SNTG1: variants seen among roughly 807,000 people sequenced by gnomAD.
SNTG1 encodes syntrophin gamma 1.
SNTG1 carries 39 observed loss-of-function variants against 74.7 expected under a neutral mutation model. That is an observed-to-expected ratio of 0.52 (90% CI 0.40 to 0.68). The LOEUF (loss-of-function observed/expected upper bound fraction) is 0.68, where lower values mean the gene tolerates loss of function less well. SNTG1 is among the 30% of genes least tolerant of loss of function. The pLI is 0.00. For synonymous variants in SNTG1, 254 were observed against 217.1 expected (o/e 1.17, Z -1.49); for missense variants, 685 against 609.5 (o/e 1.12, Z -1.30).
chr8:50,089,204 TG>T (rs1164008150), intron 1 of SNTG1, among the ~76,000 whole-genome samples: 3 of 152,132 alleles, frequency 2.0e-5, no homozygotes, highest in African/African-American at 7.2e-5. Flanking sequence ...GCTAGCCATA[TG>T]TAGAAAGCTG....
At chr8:49,981,301 A>G (rs776041053) in intron 1 of SNTG1, among the ~76,000 whole-genome samples, 4 of 152,316 alleles carry the variant, frequency 2.6e-5, no homozygotes, top group South Asian at 2.1e-4. Context: ...AAAGACTCAT[A>G]ATCAGAGGTA....
intron 1 of SNTG1, among the ~76,000 whole-genome samples, chr8:50,116,479 C>G (rs1444185620): frequency 2.0e-5 from 3 of 152,146 alleles, no homozygotes; most frequent in Non-Finnish European, 4.4e-5. Context: ...ATCCTTGACT[C>G]TGTGTTGGAA....
chr8:50,191,736 C>T (rs554948865), intron 2 of SNTG1, among the ~76,000 whole-genome samples: 3 of 152,016 alleles, frequency 2.0e-5, no homozygotes, highest in Non-Finnish European at 4.4e-5. Context: ...TTTCTCCTCA[C>T]CCCACAACAG....
intron 15 of SNTG1, among the ~76,000 whole-genome samples, chr8:50,669,467 T>G (rs1010704714): frequency 1.3e-5 from 2 of 152,094 alleles, no homozygotes; most frequent in African/African-American, 2.4e-5. Flanking sequence ...CCTCGACACA[T>G]ACACCATCCC....
intron 8 of SNTG1, among the ~76,000 whole-genome samples, chr8:50,481,110 C>A (rs1198914864): frequency 6.6e-6 from 1 of 152,146 alleles, no homozygotes; most frequent in Non-Finnish European, 1.5e-5. Flanking sequence ...AGGCTGGGCG[C>A]GGTGGCTCAC....
chr8:50,230,069 T>A (rs2085537094), intron 2 of SNTG1, among the ~76,000 whole-genome samples: 1 of 151,476 alleles, frequency 6.6e-6, no homozygotes, highest in South Asian at 2.1e-4. Flanking sequence ...AAATGTGAGA[T>A]GTGGCAAATG....
At chr8:50,334,850 C>T (rs921373925) in intron 2 of SNTG1, among the ~76,000 whole-genome samples, 3 of 152,180 alleles carry the variant, frequency 2.0e-5, no homozygotes, top group African/African-American at 7.2e-5. Context: ...ACCTCTAAAT[C>T]TTCGAGGCTA....
At chr8:50,177,891 C>G (rs1036898396) in intron 2 of SNTG1, among the ~76,000 whole-genome samples, 1 of 152,146 alleles carries the variant, frequency 6.6e-6, no homozygotes, top group African/African-American at 2.4e-5. Context: ...CATTCCTGAA[C>G]CCCTGGAAAC....
intron 4 of SNTG1, among the ~76,000 whole-genome samples, chr8:50,414,801 G>A (rs1019617146): frequency 2.0e-5 from 3 of 151,900 alleles, no homozygotes; most frequent in Admixed American, 2.0e-4. Flanking sequence ...GAAGTGTACA[G>A]GCCTGGCTTC....
rs116383993 is a variant in SNTG1 at position 50,255,023 on chromosome 8, A to G, written c.-28+82388A>G. Among the ~76,000 whole-genome samples, 519 of 142,732 alleles carry G rather than the reference A, an allele frequency of 3.6e-3. 6 individuals carry two copies. The highest frequency in any genetic ancestry group is 0.013 in the African/African-American group (502 of 38,438). The allele number at this position is 142,732 out of a possible 152,430, so 93.6% of individuals were successfully genotyped here. A position where few individuals can be genotyped will look rare whatever the true frequency, so the allele number is the denominator to read the frequency against. ...GGTAATTTTTCTTCACTTCACTTCA[A>G]TCTGAATTGTAGCCTTTCTGAAAGT... On this transcript the variant is annotated intron_variant, in intron 2 of 18. Transcript: ENST00000642720.
chr8:49,914,519 A>G (rs1005821344), intron 1 of SNTG1, among the ~76,000 whole-genome samples: 4 of 152,164 alleles, frequency 2.6e-5, no homozygotes, highest in Non-Finnish European at 5.9e-5. Flanking sequence ...CCTGGAATCC[A>G]TTCAATTGCC....
intron 1 of SNTG1, among the ~76,000 whole-genome samples, chr8:50,135,932 T>G (rs1030935664): frequency 3.3e-5 from 5 of 152,132 alleles, no homozygotes; most frequent in African/African-American, 1.2e-4. Context: ...GGTCCCACTG[T>G]CTGTTGTTCT....
chr8:50,322,124 T>C (rs2090556939), intron 2 of SNTG1, among the ~76,000 whole-genome samples: 1 of 152,114 alleles, frequency 6.6e-6, no homozygotes, highest in Non-Finnish European at 1.5e-5. Flanking sequence ...CTTTTTTTTA[T>C]TATTATACTT....
chr8:50,128,343 T>A (rs1447284136), intron 1 of SNTG1, among the ~76,000 whole-genome samples: 1 of 152,152 alleles, frequency 6.6e-6, no homozygotes, highest in East Asian at 1.9e-4. Context: ...AGTGTCTCAC[T>A]TGTAACAATG....
chr8:49,943,119 A>G (rs1808849926), intron 1 of SNTG1, among the ~76,000 whole-genome samples: 4 of 152,184 alleles, frequency 2.6e-5, no homozygotes, highest in South Asian at 4.1e-4. Flanking sequence ...TTGTTGCTCA[A>G]TATGTTTCTT....
intron 2 of SNTG1, among the ~76,000 whole-genome samples, chr8:50,363,751 G>C (rs1388108338): frequency 6.6e-6 from 1 of 152,018 alleles, no homozygotes; most frequent in African/African-American, 2.4e-5. Context: ...AGTTTTTGTA[G>C]GTCTAAATAA....
At chr8:50,668,595 G>A (rs567402389) in intron 15 of SNTG1, among the ~76,000 whole-genome samples, 2 of 151,278 alleles carry the variant, frequency 1.3e-5, no homozygotes, top group East Asian at 2.0e-4. Flanking sequence ...CTAGGTATAC[G>A]TGTACCATGG....
At chr8:50,473,502 A>ATG (rs1181406512) in intron 8 of SNTG1, among the ~76,000 whole-genome samples, 7 of 152,220 alleles carry the variant, frequency 4.6e-5, no homozygotes, top group Admixed American at 6.5e-5. Flanking sequence ...TATGAAGAAC[A>ATG]GTATGATGGT....
At chr8:50,275,704 A>G (rs1340773774) in intron 2 of SNTG1, among the ~76,000 whole-genome samples, 1 of 152,146 alleles carries the variant, frequency 6.6e-6, no homozygotes, top group East Asian at 1.9e-4. Flanking sequence ...TTCAAGCTTC[A>G]CCACATTCAG....
Sources: gnomAD v4.1 joint callset for allele counts (sites outside exome capture counted in the v4.1 genomes callset) on GRCh38, gnomAD v4.1.1 for gene constraint, MANE v1.5 for transcripts, NCBI Gene and HGNC (gene_info 2026-07-23, HGNC 2026-07-21) for gene names.